Variants in SLC35F4 observed in about 807,000 individuals in gnomAD.
The protein encoded by SLC35F4 is solute carrier family 35 member F4.
A neutral mutation model predicts 44.2 loss-of-function variants in SLC35F4; 24 were observed. The ratio of observed to expected loss-of-function variants is 0.54; its 90% CI spans 0.39 to 0.76. The LOEUF (loss-of-function observed/expected upper bound fraction) is 0.76, where lower values mean the gene tolerates loss of function less well. Among genes scored for constraint, SLC35F4 ranks in the 30% least tolerant of loss-of-function variants. SLC35F4 has a pLI of 0.00. For synonymous variants in SLC35F4, 238 were observed against 223.6 expected, an observed-to-expected ratio of 1.06 and a Z score of -0.57; for missense variants, 562 against 586.1, an observed-to-expected ratio of 0.96 and a Z score of 0.42.
chr14:57,721,005 T>TAC (rs1555376888), intron 1 of SLC35F4, among the ~76,000 whole-genome samples: 2 of 123,970 alleles, frequency 1.6e-5, no homozygotes, highest in Admixed American at 8.2e-5. Flanking sequence ...TATATATATA[T>TAC]ATATATATAT....
intron 1 of SLC35F4, among the ~76,000 whole-genome samples, chr14:57,898,859 T>C (rs1888940551): frequency 1.3e-5 from 2 of 152,254 alleles, no homozygotes; most frequent in Admixed American, 1.3e-4. Context: ...TCGATATTTA[T>C]GTAAATCAGA....
chr14:57,677,952 A>C (rs1257211008), intron 1 of SLC35F4, among the ~76,000 whole-genome samples: 1 of 152,102 alleles, frequency 6.6e-6, no homozygotes, highest in Admixed American at 6.5e-5. Flanking sequence ...AATATAAATA[A>C]GATGACATTT....
In SLC35F4 at chr14:57,838,040, G is replaced by T. The variant is rs147239615; in HGVS notation, c.103+27683C>A. ...CAGTGGTTAATCAGTTCTTCCTATAGGTAAAGTACTATGCTTAATGCCGGT... is the reference window on the plus strand; with the variant it reads ...CAGTGGTTAATCAGTTCTTCCTATATGTAAAGTACTATGCTTAATGCCGGT... On this transcript the variant is annotated intron_variant, in intron 1 of 7. Coordinates refer to ENST00000556826, the MANE Select transcript of SLC35F4 (RefSeq NM_001306087.2). Among the ~76,000 whole-genome samples the T allele has an allele frequency of 2.8e-3, 424 of 152,122 alleles. 1 individual carries two copies. The highest frequency in any genetic ancestry group is 9.5e-3 in the African/African-American group (396 of 41,470).
At chr14:57,853,057 A>G (rs1383281054) in intron 1 of SLC35F4, among the ~76,000 whole-genome samples, 1 of 152,178 alleles carries the variant, frequency 6.6e-6, no homozygotes, top group East Asian at 1.9e-4. Flanking sequence ...GTCATCCTCA[A>G]TTACTGTACA....
intron 1 of SLC35F4, among the ~76,000 whole-genome samples, chr14:57,645,528 T>C (rs989378574): frequency 3.3e-5 from 5 of 152,026 alleles, no homozygotes; most frequent in African/African-American, 9.6e-5. Context: ...TGGGCTGAGA[T>C]GATGGGGTTT....
chr14:57,747,821 T>A (rs1377981216), intron 1 of SLC35F4, among the ~76,000 whole-genome samples: 1 of 152,242 alleles, frequency 6.6e-6, no homozygotes, highest in African/African-American at 2.4e-5. Flanking sequence ...AGCTGACATA[T>A]TCACATGAAA....
chr14:57,868,753 C>T (rs1027313189), upstream of SLC35F4, among the ~76,000 whole-genome samples: 2 of 152,158 alleles, frequency 1.3e-5, no homozygotes, highest in Non-Finnish European at 1.5e-5. Flanking sequence ...CATGAGCCAC[C>T]GTGCCCGGCG....
At chr14:57,940,045 G>A (rs568094452) in intron 1 of SLC35F4, among the ~76,000 whole-genome samples, 2 of 152,264 alleles carry the variant, frequency 1.3e-5, no homozygotes, top group East Asian at 3.9e-4. Flanking sequence ...ACTAGCTACA[G>A]AATGTGTTCA....
intron 3 of SLC35F4, among the ~76,000 whole-genome samples, chr14:57,583,367 T>C (rs1469357274): frequency 1.3e-5 from 2 of 151,570 alleles, no homozygotes; most frequent in South Asian, 2.1e-4. Flanking sequence ...CAACTACTGA[T>C]TGCCTTTTAA....
At chr14:57,847,476 C>G (rs911078782) in intron 1 of SLC35F4, among the ~76,000 whole-genome samples, 1 of 152,088 alleles carries the variant, frequency 6.6e-6, no homozygotes, top group South Asian at 2.1e-4. Context: ...TCTTCTGTTA[C>G]TTTGAAAATT....
In SLC35F4 at chr14:57,613,209, T is replaced by A. The variant is rs2071611996; in HGVS notation, c.104-19085A>T. Among the ~76,000 whole-genome samples, 5 of 152,180 alleles carry A rather than the reference T, an allele frequency of 3.3e-5. No individual in the cohort carries two copies. In the South Asian group the frequency reaches 1.0e-3, roughly 32 times the overall value. The stretch of plus-strand genomic sequence containing the variant: ...GAGACCATTAATAAACATGCTGAGT[T>A]GGTCTGATTAGCAGGTGCATGGAAC... On this transcript the variant is annotated intron_variant, in intron 1 of 7. Transcript: ENST00000556826.
At chr14:57,974,962 G>A (rs1411255409), downstream of SLC35F4, among the ~76,000 whole-genome samples, 2 of 152,200 alleles carry the variant, frequency 1.3e-5, no homozygotes, top group East Asian at 1.9e-4. Context: ...GCAAAGGGAA[G>A]GAGAAATGTG....
At chr14:57,918,390 C>G (rs1296570900) in intron 1 of SLC35F4, among the ~76,000 whole-genome samples, 5 of 152,154 alleles carry the variant, frequency 3.3e-5, no homozygotes, top group African/African-American at 1.2e-4. Flanking sequence ...TCTGTATCTG[C>G]CTATCTTTCC....
intron 1 of SLC35F4, chr14:57,596,305 TTATTA>T (rs1185883465): frequency 5.8e-6 from 1 of 173,234 alleles, no homozygotes; most frequent in East Asian, 1.7e-4. Flanking sequence ...GTTACTATTG[TTATTA>T]TAAGAGCATC....
chr14:57,771,597 CTTAT>C lies in SLC35F4; in HGVS notation c.103+94122_103+94125del, dbSNP rs752060933. ...AACTTTTAATTAATTAATTTATTTA[CTTAT>C]TTATTTATTTGAGACAGTGTCTCGC... On this transcript the variant is annotated intron_variant, in intron 1 of 7. Transcript: ENST00000556826. Among the ~76,000 whole-genome samples, 13 of 152,076 alleles carry C rather than the reference CTTAT, an allele frequency of 8.5e-5. No individual in the cohort carries two copies. In the South Asian group the frequency reaches 1.2e-3, roughly 15 times the overall value.
intron 1 of SLC35F4, among the ~76,000 whole-genome samples, chr14:57,755,761 T>G (rs1280728318): frequency 6.6e-6 from 1 of 152,212 alleles, no homozygotes; most frequent in Non-Finnish European, 1.5e-5. Flanking sequence ...AAACATTGTC[T>G]TATTTGACCT....
intron 1 of SLC35F4, among the ~76,000 whole-genome samples, chr14:57,708,004 C>G (rs1369299139): frequency 6.6e-6 from 1 of 152,188 alleles, no homozygotes; most frequent in Non-Finnish European, 1.5e-5. Context: ...CAGTCTGCCT[C>G]TGCAGGATTA....
intron 1 of SLC35F4, among the ~76,000 whole-genome samples, chr14:57,754,366 A>G (rs1283742902): frequency 1.3e-5 from 2 of 151,998 alleles, no homozygotes; most frequent in Admixed American, 6.6e-5. Context: ...TGGCCTCCCA[A>G]AGTACTGGGA....
chr14:57,891,851 G>C (rs1888775114), intron 1 of SLC35F4, among the ~76,000 whole-genome samples: 1 of 152,102 alleles, frequency 6.6e-6, no homozygotes, highest in Non-Finnish European at 1.5e-5. Flanking sequence ...ACTCCAGCCT[G>C]GTGACAGAGC....
Sources: gnomAD v4.1 joint callset for allele counts (sites outside exome capture counted in the v4.1 genomes callset) on GRCh38, gnomAD v4.1.1 for gene constraint, MANE v1.5 for transcripts, NCBI Gene and HGNC (gene_info 2026-07-23, HGNC 2026-07-21) for gene names.